EXOC4: variants seen among roughly 807,000 people sequenced by gnomAD.
EXOC4 encodes the protein SEC8-like 1.
In EXOC4, 71 loss-of-function variants were observed where a neutral mutation model predicts 107.2. The ratio of observed to expected loss-of-function variants is 0.66; its 90% CI spans 0.55 to 0.81. The LOEUF is 0.81. Among genes scored for constraint, EXOC4 ranks in the 30% least tolerant of loss-of-function variants. EXOC4 has a pLI of 0.00. For missense variants in EXOC4, 1,108 were observed against 1,189.6 expected (o/e 0.93, Z 1.01); for synonymous variants, 456 against 441.2 (o/e 1.03, Z -0.42).
intron 2 of EXOC4, 64 bp from the exon 3 acceptor site, chr7:133,288,858 C>T: frequency 7.2e-7 from 1 of 1,396,898 alleles, no homozygotes. Flanking sequence ...GACTACTAAC[C>T]AGATTATAGG....
intron 5 of EXOC4, among the ~76,000 whole-genome samples, chr7:133,349,768 A>G (rs1247908935): frequency 6.6e-6 from 1 of 151,888 alleles, no homozygotes; most frequent in Admixed American, 6.6e-5. Context: ...TGGCTGTACC[A>G]TTTTACATTC....
intron 12 of EXOC4, among the ~76,000 whole-genome samples, chr7:133,910,950 C>A (rs983117827): frequency 6.6e-6 from 1 of 152,178 alleles, no homozygotes; most frequent in Non-Finnish European, 1.5e-5. Context: ...CATGCACACT[C>A]GCACTTCCCA....
At chr7:133,300,662 A>G (rs1228163376) in intron 3 of EXOC4, among the ~76,000 whole-genome samples, 2 of 152,314 alleles carry the variant, frequency 1.3e-5, no homozygotes, top group Admixed American at 6.5e-5. Context: ...ATATTCTACT[A>G]GTAAAATTGT....
chr7:133,697,152 G>C (rs146558168), intron 10 of EXOC4, among the ~76,000 whole-genome samples: 6 of 152,242 alleles, frequency 3.9e-5, no homozygotes, highest in African/African-American at 1.4e-4. Context: ...AGCTCTCATA[G>C]TAATACTAGT....
intron 7 of EXOC4, among the ~76,000 whole-genome samples, chr7:133,386,373 G>A (rs1796726926): frequency 6.6e-6 from 1 of 152,174 alleles, no homozygotes; most frequent in African/African-American, 2.4e-5. Context: ...CTCTCTCCCT[G>A]TTTTTAGAAG....
intron 9 of EXOC4, among the ~76,000 whole-genome samples, chr7:133,491,682 A>T (rs1225969643): frequency 6.6e-6 from 1 of 152,164 alleles, no homozygotes; most frequent in Non-Finnish European, 1.5e-5. Flanking sequence ...GGGGTTCTAG[A>T]TGCTGTAGAA....
chr7:133,738,135 C>T (rs773947337), intron 10 of EXOC4, among the ~76,000 whole-genome samples: 8 of 151,810 alleles, frequency 5.3e-5, no homozygotes, highest in Non-Finnish European at 1.2e-4. Flanking sequence ...TGGTCTCGGA[C>T]CCCTGACCTC....
At chr7:134,038,294 T>C (rs1304419351) in intron 17 of EXOC4, among the ~76,000 whole-genome samples, 1 of 152,162 alleles carries the variant, frequency 6.6e-6, no homozygotes, top group East Asian at 1.9e-4. Context: ...CCTGTGGAGA[T>C]CCAGTGAACA....
intron 9 of EXOC4, among the ~76,000 whole-genome samples, chr7:133,510,124 T>A (rs1306391290): frequency 6.6e-6 from 1 of 152,220 alleles, no homozygotes; most frequent in Non-Finnish European, 1.5e-5. Context: ...TTGTGCCTGT[T>A]TGCAGTAAAT....
intron 10 of EXOC4, among the ~76,000 whole-genome samples, chr7:133,644,805 T>G (rs1802946678): frequency 6.6e-6 from 1 of 152,252 alleles, no homozygotes; most frequent in Non-Finnish European, 1.5e-5. Flanking sequence ...GTGGCCCCCC[T>G]CACGCCTAGG....
At chr7:133,428,939 A>T (rs1346982350) in intron 7 of EXOC4, among the ~76,000 whole-genome samples, 1 of 152,050 alleles carries the variant, frequency 6.6e-6, no homozygotes, top group Non-Finnish European at 1.5e-5. Flanking sequence ...AATGTTATAC[A>T]TATGTGTAGA....
At chr7:133,844,861 C>G (rs1798092550) in intron 11 of EXOC4, among the ~76,000 whole-genome samples, 1 of 152,030 alleles carries the variant, frequency 6.6e-6, no homozygotes, top group Admixed American at 6.6e-5. Context: ...AAAAGGAGGT[C>G]ATTTCAGGCA....
chr7:133,416,649 T>C (rs1797480924), intron 7 of EXOC4, among the ~76,000 whole-genome samples: 1 of 152,180 alleles, frequency 6.6e-6, no homozygotes, highest in Admixed American at 6.5e-5. Context: ...TCACTCATGA[T>C]CGGTCAATCT....
chr7:133,651,445 A>G (rs751981917), intron 10 of EXOC4, among the ~76,000 whole-genome samples: 96 of 152,334 alleles, frequency 6.3e-4, no homozygotes, highest in Admixed American at 1.6e-3. Flanking sequence ...GAAAAACATC[A>G]TGATTCATTA....
chr7:133,486,781 A>T (rs547632324), intron 9 of EXOC4, among the ~76,000 whole-genome samples: 1 of 152,238 alleles, frequency 6.6e-6, no homozygotes, highest in Non-Finnish European at 1.5e-5. Context: ...TTTTAAAAGA[A>T]TGACCTTAAC....
chr7:133,646,666 G>A (rs1246612722), intron 10 of EXOC4, among the ~76,000 whole-genome samples: 1 of 152,134 alleles, frequency 6.6e-6, no homozygotes, highest in Non-Finnish European at 1.5e-5. Flanking sequence ...TTTGATGGAT[G>A]TTGAATAACT....
At chr7:133,547,600 A>G (rs1436901523) in intron 9 of EXOC4, among the ~76,000 whole-genome samples, 1 of 152,190 alleles carries the variant, frequency 6.6e-6, no homozygotes, top group Non-Finnish European at 1.5e-5. Flanking sequence ...TGCTTTATCA[A>G]TTAAGTTTAT....
chr7:133,430,353 T>C (rs1344043641), intron 7 of EXOC4, among the ~76,000 whole-genome samples: 7 of 152,172 alleles, frequency 4.6e-5, no homozygotes, highest in Non-Finnish European at 1.0e-4. Context: ...AAAGCAACAT[T>C]TGAGCGGGAA....
chr7:133,969,932 C>T (rs889655734), intron 14 of EXOC4, among the ~76,000 whole-genome samples: 1 of 152,196 alleles, frequency 6.6e-6, no homozygotes, highest in African/African-American at 2.4e-5. Context: ...GCTGAACTTA[C>T]AATTTTCCCA....
Sources: gnomAD v4.1 joint callset for allele counts (sites outside exome capture counted in the v4.1 genomes callset) on GRCh38, gnomAD v4.1.1 for gene constraint, MANE v1.5 for transcripts, NCBI Gene and HGNC (gene_info 2026-07-23, HGNC 2026-07-21) for gene names.